Variants in DLC1 observed in about 807,000 individuals in gnomAD.
DLC1 encodes the protein rho GTPase-activating protein 7.
A neutral mutation model predicts 140.3 loss-of-function variants in DLC1; 54 were observed. That is an observed-to-expected ratio of 0.38 (90% CI 0.31 to 0.48). The LOEUF is 0.48. DLC1 is among the 20% of genes least tolerant of loss of function. DLC1 has a pLI of 0.96. For synonymous variants in DLC1, 986 were observed against 728.1 expected (o/e 1.35, Z -5.70); for missense variants, 2,536 against 1,907.0 (o/e 1.33, Z -6.14).
intron 1 of DLC1, among the ~76,000 whole-genome samples, chr8:13,572,050 A>T (rs556252245): frequency 6.6e-6 from 1 of 151,304 alleles, no homozygotes; most frequent in East Asian, 1.9e-4. Flanking sequence ...TTTCAAATTG[A>T]GTTGTCTATT....
chr8:13,166,379 A>G (rs970366852), intron 5 of DLC1, among the ~76,000 whole-genome samples: 4 of 152,044 alleles, frequency 2.6e-5, no homozygotes, highest in African/African-American at 9.7e-5. Context: ...TCTGCTCTGT[A>G]TCCCAGGCTG....
intron 2 of DLC1, among the ~76,000 whole-genome samples, chr8:13,445,369 A>G (rs774240330): frequency 2.0e-5 from 3 of 152,206 alleles, no homozygotes; most frequent in Non-Finnish European, 4.4e-5. Flanking sequence ...TCTAGGCACT[A>G]ACAAACAGAA....
At chr8:13,106,181 A>T (rs1214049826) in intron 7 of DLC1, among the ~76,000 whole-genome samples, 1 of 152,164 alleles carries the variant, frequency 6.6e-6, no homozygotes, top group Non-Finnish European at 1.5e-5. Context: ...GCAGGTGGGG[A>T]CCTGGGCCCC....
At chr8:13,393,720 G>A (rs765880010) in intron 3 of DLC1, 27 bp from the exon 4 acceptor site, 3 of 1,601,630 alleles carry the variant, frequency 1.9e-6, no homozygotes, top group African/African-American at 1.3e-5. Context: ...GCACTGGTAT[G>A]AAGGACATGT....
In DLC1 at chr8:13,090,083, G is replaced by A. The variant is rs115269368; in HGVS notation, c.4074+169C>T. On this transcript the variant is annotated intron_variant, in intron 15 of 17. Transcript: ENST00000276297. Reference sequence around the variant, plus strand: ...GAAGAAAATTACTCTTGCTTTGCCCGGTTTCCACTCTCACCACGGGGATCT... The same window carrying A: ...GAAGAAAATTACTCTTGCTTTGCCCAGTTTCCACTCTCACCACGGGGATCT... Among the ~76,000 whole-genome samples, 646 of 152,252 alleles carry A rather than the reference G, an allele frequency of 4.2e-3. 6 individuals are homozygous for A. The highest frequency in any genetic ancestry group is 0.015 in the African/African-American group (611 of 41,548).
intron 4 of DLC1, among the ~76,000 whole-genome samples, chr8:13,382,030 GA>G (rs1424238472): frequency 6.6e-6 from 1 of 151,922 alleles, no homozygotes; most frequent in Non-Finnish European, 1.5e-5. Context: ...AAAGGTTAAA[GA>G]AAAATAAAGA....
intron 4 of DLC1, among the ~76,000 whole-genome samples, chr8:13,384,912 G>A (rs1261229158): frequency 6.9e-6 from 1 of 144,658 alleles, no homozygotes; most frequent in Non-Finnish European, 1.6e-5. Flanking sequence ...TATCCTAGAG[G>A]CTGGACATAA....
intron 2 of DLC1, among the ~76,000 whole-genome samples, chr8:13,475,482 A>G (rs1800395520): frequency 6.6e-6 from 1 of 152,242 alleles, no homozygotes; most frequent in Non-Finnish European, 1.5e-5. Flanking sequence ...GTGTGCCCAG[A>G]AGCCATGGAG....
At position 13,511,172 on chromosome 8, in the gene DLC1, C is replaced by G. The variant is rs374601629; in HGVS notation, c.-126+3430G>C. Among the ~76,000 whole-genome samples, 39 of 152,264 alleles carry G rather than the reference C, an allele frequency of 2.6e-4. No homozygotes were observed. The East Asian group carries it at 4.4e-3, about 17-fold the overall frequency. The stretch of plus-strand genomic sequence containing the variant: ...CATTTCCATTAACAGGGCTGATTTT[C>G]TCTTTGAATTATTTGAATTGCATTG... On this transcript the variant is annotated intron_variant, in intron 1 of 17. Transcript: ENST00000276297.
At chr8:13,523,682 C>A (rs976422925) in intron 1 of DLC1, among the ~76,000 whole-genome samples, 1 of 151,930 alleles carries the variant, frequency 6.6e-6, no homozygotes, top group Non-Finnish European at 1.5e-5. Context: ...TTGAAAGGAA[C>A]AAGTTCAAAG....
intron 5 of DLC1, among the ~76,000 whole-genome samples, chr8:13,239,176 A>G (rs1369911837): frequency 6.6e-6 from 1 of 152,174 alleles, no homozygotes; most frequent in East Asian, 1.9e-4. Flanking sequence ...TGTTATATCT[A>G]GTGCTCACTG....
At chr8:13,427,974 C>T (rs1320638245) in intron 2 of DLC1, among the ~76,000 whole-genome samples, 2 of 152,226 alleles carry the variant, frequency 1.3e-5, no homozygotes, top group African/African-American at 4.8e-5. Flanking sequence ...AATCCAGTTA[C>T]GGTGTTCCAG....
Position 13,309,432 on chromosome 8 carries a change from A to C in DLC1, c.1315-4130T>G, listed in dbSNP as rs142111327. ...CCCTTTAATAGTTCTCCACATGTAA[A>C]GATTTTCATTGAAGTTGGCCAATTA... On this transcript the variant is annotated intron_variant, in intron 4 of 17. Coordinates refer to ENST00000276297, the MANE Select transcript of DLC1 (RefSeq NM_182643.3). Among the ~76,000 whole-genome samples, 405 of 152,322 alleles carry C rather than the reference A, an allele frequency of 2.7e-3. 1 individual carries two copies. Among genetic ancestry groups the C allele is most frequent in the African/African-American group, 9.0e-3 (376 of 41,582 alleles).
At chr8:13,297,423 T>G (rs1341691155) in intron 5 of DLC1, among the ~76,000 whole-genome samples, 1 of 151,886 alleles carries the variant, frequency 6.6e-6, no homozygotes, top group Non-Finnish European at 1.5e-5. Context: ...AATTTTCACG[T>G]CTTGCTAAAC....
chr8:13,110,618 T>C (rs1820008013), intron 7 of DLC1, 124 bp downstream of exon 7: 2 of 878,310 alleles, frequency 2.3e-6, no homozygotes, highest in African/African-American at 1.7e-5. Flanking sequence ...ATGATCACTC[T>C]ATGGTTTGCC....
intron 5 of DLC1, among the ~76,000 whole-genome samples, chr8:13,281,672 A>G (rs770929168): frequency 3.3e-5 from 5 of 152,322 alleles, no homozygotes; most frequent in Admixed American, 2.0e-4. Flanking sequence ...AAATCACACT[A>G]TCTTTCAGAG....
intron 1 of DLC1, among the ~76,000 whole-genome samples, chr8:13,568,546 GC>G (rs1804536875): frequency 6.6e-6 from 1 of 151,692 alleles, no homozygotes; most frequent in East Asian, 2.0e-4. Context: ...ATGGCATATA[GC>G]TGGAAGTTGA....
At chr8:13,585,788 C>T (rs544752111) in intron 1 of DLC1, among the ~76,000 whole-genome samples, 2 of 152,284 alleles carry the variant, frequency 1.3e-5, no homozygotes, top group Non-Finnish European at 2.9e-5. Flanking sequence ...GCTCATATCC[C>T]TATCCAAATT....
chr8:13,248,700 GCATTCTGATCTCATCCTTC>G, intron 5 of DLC1, among the ~76,000 whole-genome samples: 1 of 152,208 alleles, frequency 6.6e-6, no homozygotes, highest in African/African-American at 2.4e-5. Flanking sequence ...CCCTGAAAAC[GCATTCTGATCTCATCCTTC>G]CATCCCATGT....
Sources: allele counts gnomAD v4.1 joint callset (sites outside exome capture counted in the v4.1 genomes callset), GRCh38; gene constraint gnomAD v4.1.1; transcripts MANE v1.5; gene names NCBI Gene and HGNC (gene_info 2026-07-23, HGNC 2026-07-21).